USP42: variants seen among roughly 807,000 people sequenced by gnomAD.
USP42 encodes the protein ubiquitin carboxyl-terminal hydrolase 42.
In USP42, 23 loss-of-function variants were observed where a neutral mutation model predicts 113.0. That is an observed-to-expected ratio of 0.20 (90% confidence interval 0.15 to 0.29). The LOEUF (loss-of-function observed/expected upper bound fraction) is 0.29. USP42 is among the 10% of genes least tolerant of loss of function. The pLI is 1.00. For synonymous variants in USP42, 933 were observed against 699.0 expected, an observed-to-expected ratio of 1.33 and a Z score of -5.28; for missense variants, 2,174 against 1,779.8, an observed-to-expected ratio of 1.22 and a Z score of -3.99.
the USP42 span, among the ~76,000 whole-genome samples, chr7:6,090,661 G>A: frequency 2.0e-5 from 3 of 146,720 alleles, no homozygotes; most frequent in East Asian, 5.9e-4. Flanking sequence ...GTTGCAGTGA[G>A]CTGGGATCAT....
intron 2 of USP42, among the ~76,000 whole-genome samples, chr7:6,114,312 C>A (rs1258621180): frequency 6.6e-6 from 1 of 152,030 alleles, no homozygotes; most frequent in Non-Finnish European, 1.5e-5. Context: ...AAATGTATCT[C>A]ATTTTTTCTA....
At chr7:6,122,416 G>A (rs1428188453) in intron 3 of USP42, among the ~76,000 whole-genome samples, 1 of 151,822 alleles carries the variant, frequency 6.6e-6, no homozygotes, top group Admixed American at 6.6e-5. Context: ...TTCCCAAGTA[G>A]CTGAGACTAC....
At chr7:6,146,802 G>C (rs1781742518) in intron 11 of USP42, among the ~76,000 whole-genome samples, 1 of 152,234 alleles carries the variant, frequency 6.6e-6, no homozygotes, top group Non-Finnish European at 1.5e-5. Flanking sequence ...AGAGGTGGTG[G>C]CTGACAAGGG....
intron 3 of USP42, among the ~76,000 whole-genome samples, chr7:6,121,973 GATCA>G (rs776593055): frequency 2.0e-5 from 3 of 152,086 alleles, no homozygotes; most frequent in Non-Finnish European, 2.9e-5. Flanking sequence ...TTTTTCGTTT[GATCA>G]ATCTGACCAG....
At chr7:6,108,069 A>G (rs1300250308) in intron 1 of USP42, among the ~76,000 whole-genome samples, 2 of 152,146 alleles carry the variant, frequency 1.3e-5, no homozygotes, top group Admixed American at 1.3e-4. Context: ...CTGTAGTCCC[A>G]GCTACCCTGG....
chr7:6,146,423 G>A (rs891576754), intron 11 of USP42, among the ~76,000 whole-genome samples, 175 bp downstream of exon 11: 6 of 152,054 alleles, frequency 3.9e-5, no homozygotes, highest in Non-Finnish European at 8.8e-5. Context: ...ACTTTGGGCG[G>A]CCAAGATGGA....
At chr7:6,090,089 C>T in the USP42 span, among the ~76,000 whole-genome samples, 4 of 146,848 alleles carry the variant, frequency 2.7e-5, no homozygotes, top group Admixed American at 6.7e-5. Flanking sequence ...CACCTGAGAT[C>T]GGGAGTTCGA....
rs745800908 is a variant in USP42 at position 6,154,074 on chromosome 7, G to A, written c.2520G>A (p.Ala840=). The change falls in exon 15 of 18, where the codon GCG becomes GCA. Residue 840 remains alanine, a synonymous_variant. Coordinates refer to ENST00000306177, the MANE Select transcript of USP42 (RefSeq NM_032172.3). ...PLSQDAKGMI[A]EGPRDSALAE... ...CCCAGGACGCAAAGGGGATGATCGC[G>A]GAGGGCCCGCGGGACTCGGCGTTGG... is the stretch of plus-strand genomic sequence containing the variant. 3.1e-6 allele frequency: 5 copies of A among 1,606,098 alleles called. No individual in the cohort carries two copies. The highest frequency in any genetic ancestry group is 4.2e-6 in the Non-Finnish European group (5 of 1,179,248).
rs570850942 is a variant in USP42, at chr7:6,126,669, G to A, written c.443-9172G>A. 5.3e-5 allele frequency among the ~76,000 whole-genome samples: 8 copies of A among 151,922 alleles called. No homozygotes were observed. In the South Asian group the frequency reaches 1.5e-3, roughly 28 times the overall value. On this transcript the variant is annotated intron_variant, in intron 3 of 17. Coordinates refer to ENST00000306177, the MANE Select transcript of USP42 (RefSeq NM_032172.3). ...TTTGGGATATCGTGAGTGGAGCTGCGGTAAACACATCTAGGTTGTTTCTAG... is the reference window on the plus strand; with the variant it reads ...TTTGGGATATCGTGAGTGGAGCTGCAGTAAACACATCTAGGTTGTTTCTAG...
intron 3 of USP42, among the ~76,000 whole-genome samples, chr7:6,129,526 C>T (rs927056817): frequency 1.4e-5 from 2 of 145,608 alleles, no homozygotes; most frequent in Admixed American, 1.4e-4. Flanking sequence ...TACTGCACTC[C>T]AGGCTGGGTG....
Position 6,154,930 on chromosome 7 carries a change from G to T in USP42, c.3376G>T (p.Ala1126Ser), listed in dbSNP as rs1383886332. 7 of 1,550,794 alleles carry T rather than the reference G, an allele frequency of 4.5e-6. No homozygotes were observed. Among genetic ancestry groups the T allele is most frequent in the Non-Finnish European group, 6.1e-6 (7 of 1,146,860 alleles). Reference protein sequence around the residue: ...SPRAGAPHALAPHPDRFSHDR... With the variant: ...SPRAGAPHALSPHPDRFSHDR... ...CCGCGCAGGCGCGCCCCACGCCCTCGCCCCGCACCCCGACCGCTTCTCCCA... is the reference window on the plus strand; with the variant it reads ...CCGCGCAGGCGCGCCCCACGCCCTCTCCCCGCACCCCGACCGCTTCTCCCA... The change falls in exon 15 of 18, where the codon GCC becomes TCC. Residue 1126 changes from alanine (A) to serine (S), a missense_variant. Ala to Ser is a moderately conservative substitution (Grantham distance 99). Coordinates refer to ENST00000306177, the MANE Select transcript of USP42 (RefSeq NM_032172.3).
chr7:6,138,708 C>CA (rs1336579505), intron 4 of USP42, among the ~76,000 whole-genome samples: 17 of 152,204 alleles, frequency 1.1e-4, no homozygotes, highest in Non-Finnish European at 2.4e-4. Context: ...CCTGTCAGAT[C>CA]AATGGCAGCA....
intron 3 of USP42, among the ~76,000 whole-genome samples, chr7:6,122,862 C>T (rs529725694): frequency 3.3e-5 from 5 of 151,568 alleles, no homozygotes; most frequent in African/African-American, 1.2e-4. Context: ...GAACTGCTGG[C>T]GCCCAGGCTA....
intron 1 of USP42, among the ~76,000 whole-genome samples, chr7:6,106,512 A>G (rs1779287307): frequency 6.6e-6 from 1 of 152,184 alleles, no homozygotes; most frequent in Non-Finnish European, 1.5e-5. Context: ...TATTTAAAGC[A>G]AAGGAAACAC....
At chr7:6,119,331 G>A (rs1396967499) in intron 3 of USP42, among the ~76,000 whole-genome samples, 1 of 152,142 alleles carries the variant, frequency 6.6e-6, no homozygotes, top group East Asian at 1.9e-4. Context: ...AAAATTCTCT[G>A]GGTGTGGCGG....
chr7:6,154,387 C>T lies in USP42; in HGVS notation c.2833C>T (p.Leu945Phe), dbSNP rs1332239952. Reference protein sequence around the residue: ...PSPAKEKIGSLRKVDRGHYRS... With the variant: ...PSPAKEKIGSFRKVDRGHYRS... ...CCCAGCGAAGGAGAAAATCGGCAGC[C>T]TCAGAAAGGTGGACCGAGGCCACTA... Residue 945 changes from leucine (L) to phenylalanine (F), a missense_variant, in exon 15 of 18, where the codon CTC becomes TTC. Transcript: ENST00000306177. The T allele has an allele frequency of 7.0e-6, 11 of 1,576,738 alleles. No homozygotes were observed. The highest frequency in any genetic ancestry group is 6.0e-6 in the Non-Finnish European group (7 of 1,163,002).
chr7:6,097,497 C>G, the USP42 span, among the ~76,000 whole-genome samples: 1 of 147,414 alleles, frequency 6.8e-6, no homozygotes, highest in Non-Finnish European at 1.5e-5. Context: ...GCCTCCAATT[C>G]CTGGCCTCAA....
intron 15 of USP42, among the ~76,000 whole-genome samples, chr7:6,155,848 C>G (rs1018101121): frequency 5.3e-5 from 8 of 152,158 alleles, no homozygotes; most frequent in African/African-American, 1.9e-4. Context: ...ACCTCCTGGG[C>G]TCAAATGATA....
At chr7:6,087,819 A>G in the USP42 span, among the ~76,000 whole-genome samples, 1 of 151,150 alleles carries the variant, frequency 6.6e-6, no homozygotes, top group Non-Finnish European at 1.5e-5. Flanking sequence ...CCCAGTCCCC[A>G]GAGGAACATA....
Sources: allele counts gnomAD v4.1 joint callset (sites outside exome capture counted in the v4.1 genomes callset), GRCh38; gene constraint gnomAD v4.1.1; transcripts MANE v1.5; gene names NCBI Gene and HGNC (gene_info 2026-07-23, HGNC 2026-07-21).